MIPOL1: variants seen among roughly 807,000 people sequenced by gnomAD.
The protein encoded by MIPOL1 is mirror-image polydactyly 1, also known as mirror-image polydactyly gene 1 protein.
In MIPOL1, 57 loss-of-function variants were observed where a neutral mutation model predicts 60.9. The observed-to-expected ratio is 0.94, with a 90% CI of 0.76 to 1.17. The LOEUF (loss-of-function observed/expected upper bound fraction) is 1.17, where lower values mean the gene tolerates loss of function less well. Among genes scored for constraint, MIPOL1 ranks in the 50% most tolerant of loss-of-function variants. MIPOL1 has a pLI of 0.00. For synonymous variants in MIPOL1, 179 were observed against 168.8 expected, an observed-to-expected ratio of 1.06 and a Z score of -0.47; for missense variants, 551 against 511.6, an observed-to-expected ratio of 1.08 and a Z score of -0.74.
chr14:37,415,272 A>G (rs1413852162), intron 10 of MIPOL1, among the ~76,000 whole-genome samples: 1 of 152,142 alleles, frequency 6.6e-6, no homozygotes, highest in Non-Finnish European at 1.5e-5. Flanking sequence ...TAAAAAAATA[A>G]TTCTTGTACC....
chr14:37,503,171 C>T (rs1043058846), intron 12 of MIPOL1: 9 of 152,110 alleles, frequency 5.9e-5, no homozygotes, highest in Non-Finnish European at 1.3e-4. Flanking sequence ...GAGAATGAAA[C>T]CAAGTTGGAG....
intron 1 of MIPOL1, among the ~76,000 whole-genome samples, chr14:37,225,108 C>T (rs930064656): frequency 2.0e-5 from 3 of 152,216 alleles, no homozygotes; most frequent in Non-Finnish European, 4.4e-5. Context: ...CAGCTCTGCC[C>T]TTGTGTTCTT....
At chr14:37,349,264 G>A (rs944070549) in intron 9 of MIPOL1, among the ~76,000 whole-genome samples, 3 of 151,982 alleles carry the variant, frequency 2.0e-5, no homozygotes, top group African/African-American at 4.8e-5. Context: ...CTGAGATAAC[G>A]GGCGTGAGCC....
At chr14:37,322,100 TG>T (rs1197026602) in intron 9 of MIPOL1, among the ~76,000 whole-genome samples, 1 of 152,066 alleles carries the variant, frequency 6.6e-6, no homozygotes, top group Non-Finnish European at 1.5e-5. Flanking sequence ...GATGCATTCA[TG>T]TAAATGCAGG....
intron 11 of MIPOL1, among the ~76,000 whole-genome samples, chr14:37,443,670 T>C (rs972339819): frequency 8.6e-5 from 13 of 151,254 alleles, no homozygotes; most frequent in African/African-American, 3.2e-4. Flanking sequence ...ATAACATCTG[T>C]TTTACATTAG....
chr14:37,283,555 T>C (rs1401753513), intron 6 of MIPOL1, among the ~76,000 whole-genome samples: 6 of 152,216 alleles, frequency 3.9e-5, no homozygotes, highest in African/African-American at 1.4e-4. Context: ...AGATTTTTAA[T>C]ATGTAAGCAG....
chr14:37,377,672 T>C (rs4274350), intron 10 of MIPOL1, among the ~76,000 whole-genome samples: 46,114 of 151,700 alleles, frequency 0.3, 7,242 homozygotes, highest in East Asian at 0.46. Flanking sequence ...CTCTCAAGCT[T>C]TCCCCTGCCA....
At chr14:37,542,227 G>C (rs1183678073) in intron 12 of MIPOL1, among the ~76,000 whole-genome samples, 1 of 152,134 alleles carries the variant, frequency 6.6e-6, no homozygotes, top group Non-Finnish European at 1.5e-5. Flanking sequence ...TGGATTCTGT[G>C]ACTGTCCTAC....
intron 9 of MIPOL1, among the ~76,000 whole-genome samples, chr14:37,318,745 C>T (rs776625891): frequency 2.0e-5 from 3 of 152,016 alleles, no homozygotes; most frequent in Non-Finnish European, 4.4e-5. Context: ...CCTGATTTTT[C>T]ACATTGATTT....
At chr14:37,234,894 G>A (rs944991950) in intron 1 of MIPOL1, among the ~76,000 whole-genome samples, 1 of 150,812 alleles carries the variant, frequency 6.6e-6, no homozygotes, top group African/African-American at 2.4e-5. Context: ...TCCTGCCTCA[G>A]CCTCCCGAGT....
At chr14:37,432,191 C>T (rs1250700659) in intron 11 of MIPOL1, among the ~76,000 whole-genome samples, 1 of 152,144 alleles carries the variant, frequency 6.6e-6, no homozygotes, top group Non-Finnish European at 1.5e-5. Flanking sequence ...CTTTTCTAAT[C>T]TTGTCCGTTA....
chr14:37,375,688 C>A (rs1031215088), intron 10 of MIPOL1, among the ~76,000 whole-genome samples: 1 of 151,950 alleles, frequency 6.6e-6, no homozygotes, highest in Non-Finnish European at 1.5e-5. Flanking sequence ...TTGTTGGGTC[C>A]CACCCTCTTG....
At chr14:37,339,810 A>G (rs541361200) in intron 9 of MIPOL1, among the ~76,000 whole-genome samples, 35 of 152,314 alleles carry the variant, frequency 2.3e-4, no homozygotes, top group African/African-American at 7.7e-4. Context: ...ATTACAAATC[A>G]GAATAGTAGT....
chr14:37,348,150 A>T (rs951042066), intron 9 of MIPOL1, among the ~76,000 whole-genome samples: 2 of 152,128 alleles, frequency 1.3e-5, no homozygotes, highest in Non-Finnish European at 2.9e-5. Context: ...CCTACTGATA[A>T]GTGAGAATAT....
chr14:37,460,707 A>G (rs1333107517), intron 11 of MIPOL1, among the ~76,000 whole-genome samples: 1 of 152,198 alleles, frequency 6.6e-6, no homozygotes, highest in Non-Finnish European at 1.5e-5. Flanking sequence ...ATTTCCATAT[A>G]CCAATAACAT....
intron 12 of MIPOL1, chr14:37,503,561 A>AT (rs1359874712): frequency 2.0e-5 from 3 of 152,242 alleles, no homozygotes; most frequent in Non-Finnish European, 2.9e-5. Context: ...ATGTTGAGAG[A>AT]TTTTGTCACC....
In MIPOL1 at chr14:37,281,387, G is replaced by A. The variant is rs188595015; in HGVS notation, c.494-3931G>A. Among the ~76,000 whole-genome samples the A allele has an allele frequency of 2.7e-3, 409 of 152,128 alleles. 3 individuals are homozygous for A. The highest frequency in any genetic ancestry group is 9.6e-3 in the African/African-American group (398 of 41,540). On this transcript the variant is annotated intron_variant, in intron 6 of 12. Transcript: ENST00000684589. Reference sequence around the variant, plus strand: ...GTGTGTCTTTTTATGACAATACCATGCTGTTTTTTTGTTGTTTTGTTTGGT... The same window carrying A: ...GTGTGTCTTTTTATGACAATACCATACTGTTTTTTTGTTGTTTTGTTTGGT...
intron 3 of MIPOL1, among the ~76,000 whole-genome samples, chr14:37,250,281 CT>C (rs1225859178): frequency 1.3e-5 from 2 of 152,128 alleles, no homozygotes; most frequent in African/African-American, 4.8e-5. Context: ...GATGCGGTGG[CT>C]TATGCCTGTA....
intron 9 of MIPOL1, among the ~76,000 whole-genome samples, chr14:37,319,354 C>T (rs1341225023): frequency 1.3e-5 from 2 of 151,962 alleles, no homozygotes; most frequent in Non-Finnish European, 2.9e-5. Flanking sequence ...AAAGTTGTAC[C>T]TAGAAATGTT....
Sources: allele counts gnomAD v4.1 joint callset (sites outside exome capture counted in the v4.1 genomes callset), GRCh38; gene constraint gnomAD v4.1.1; transcripts MANE v1.5; gene names NCBI Gene and HGNC (gene_info 2026-07-23, HGNC 2026-07-21).